Variants in THRAP3 observed in about 807,000 individuals in gnomAD.
THRAP3 encodes thyroid hormone receptor-associated protein 3.
Under a neutral mutation model 101.0 loss-of-function variants are expected in THRAP3, and 16 were observed. The ratio of observed to expected loss-of-function variants is 0.16; its 90% CI spans 0.11 to 0.24. The LOEUF is 0.24. THRAP3 is among the 10% of genes least tolerant of loss of function. The pLI is 1.00. For missense variants in THRAP3, 989 were observed against 1,202.7 expected (o/e 0.82, Z 2.63); for synonymous variants, 407 against 422.6 (o/e 0.96, Z 0.45).
In THRAP3 at chr1:36,289,665, G is replaced by C; in HGVS notation, c.1646G>C (p.Gly549Ala). ...ACCTCTGAGAGCCGAGACAAGCTGG[G>C]AGCGAAAGGAGATTTTCCCACAGGA... is the stretch of plus-strand genomic sequence containing the variant. ...RKTSESRDKL[G>A]AKGDFPTGKS... is the part of the protein sequence containing the mutation. Residue 549 changes from glycine (G) to alanine (A), a missense_variant, in exon 5 of 12, where the codon GGA becomes GCA. Physicochemically the swap from Gly to Ala is moderately conservative, Grantham distance 60 (BLOSUM62 0). Transcript: ENST00000354618. 2 of 1,614,154 alleles carry C rather than the reference G, an allele frequency of 1.2e-6. No individual in the cohort carries two copies. Among genetic ancestry groups the C allele is most frequent in the Non-Finnish European group, 1.7e-6 (2 of 1,180,028 alleles).
At chr1:36,235,352 A>C (rs1385384954) in intron 1 of THRAP3, among the ~76,000 whole-genome samples, 1 of 152,194 alleles carries the variant, frequency 6.6e-6, no homozygotes, top group Non-Finnish European at 1.5e-5. Flanking sequence ...TAAGAAGTTA[A>C]GTCTGAAAAG....
intron 6 of THRAP3, among the ~76,000 whole-genome samples, chr1:36,292,115 G>C (rs1032773753): frequency 6.6e-6 from 1 of 151,996 alleles, no homozygotes. Context: ...ATATGGGACC[G>C]TGTTTGAACC....
chr1:36,302,343 G>C (rs1359368643), intron 11 of THRAP3, among the ~76,000 whole-genome samples: 4 of 152,240 alleles, frequency 2.6e-5, no homozygotes, highest in Non-Finnish European at 5.9e-5. Flanking sequence ...TGGCTGGAAT[G>C]GATCTGTATT....
chr1:36,285,667 A>G (rs979439282), intron 3 of THRAP3, among the ~76,000 whole-genome samples: 1 of 152,206 alleles, frequency 6.6e-6, no homozygotes, highest in African/African-American at 2.4e-5. Context: ...AGTTAAGATC[A>G]TGTAGCTCAG....
upstream of THRAP3, among the ~76,000 whole-genome samples, chr1:36,223,282 T>C (rs1644917778): frequency 6.6e-6 from 1 of 152,190 alleles, no homozygotes. Flanking sequence ...CAAGGGCTGA[T>C]GTGGCGTGGT....
In THRAP3 at chr1:36,295,545, TTTCCTTCCTTCC is replaced by T. The variant is rs55705007; in HGVS notation, c.2116-1017_2116-1006del. Among the ~76,000 whole-genome samples, 574 of 145,516 alleles carry T rather than the reference TTTCCTTCCTTCC, an allele frequency of 3.9e-3. 6 individuals carry two copies. The highest frequency in any genetic ancestry group is 0.013 in the African/African-American group (516 of 38,450). ...GCTTAGGAAGCCAGCAGAGAAGTTT[TTTCCTTCCTTCC>T]TTCCTTCCTTCCTTCCTTCCCTCCT... On this transcript the variant is annotated intron_variant, in intron 8 of 11. Coordinates refer to ENST00000354618, the MANE Select transcript of THRAP3 (RefSeq NM_005119.4).
chr1:36,283,149 A>G (rs1461598810), intron 3 of THRAP3, among the ~76,000 whole-genome samples: 1 of 152,260 alleles, frequency 6.6e-6, no homozygotes, highest in Non-Finnish European at 1.5e-5. Flanking sequence ...GAAACTTATC[A>G]GGAGTAATTT....
intron 1 of THRAP3, among the ~76,000 whole-genome samples, chr1:36,243,282 G>T (rs890045037): frequency 1.3e-5 from 2 of 151,634 alleles, no homozygotes; most frequent in African/African-American, 4.8e-5. Flanking sequence ...ATAGTGGAGG[G>T]AAGGTCAGCA....
chr1:36,213,212 G>C, the THRAP3 span, among the ~76,000 whole-genome samples: 1 of 152,142 alleles, frequency 6.6e-6, no homozygotes, highest in Non-Finnish European at 1.5e-5. Context: ...GTTTGATCCT[G>C]AGGGCACTGG....
intron 2 of THRAP3, among the ~76,000 whole-genome samples, chr1:36,266,080 G>C (rs978522439): frequency 6.6e-6 from 1 of 151,624 alleles, no homozygotes; most frequent in Non-Finnish European, 1.5e-5. Context: ...CTTGAACCTG[G>C]GAGATGGAGG....
chr1:36,241,381 G>T (rs1271330566), intron 1 of THRAP3, among the ~76,000 whole-genome samples: 4 of 10,968 alleles, frequency 3.6e-4, no homozygotes, highest in Admixed American at 1.6e-3. Flanking sequence ...AAATGATAAT[G>T]GGTGTATATA....
chr1:36,210,889 G>A, the THRAP3 span, among the ~76,000 whole-genome samples: 1 of 148,130 alleles, frequency 6.8e-6, no homozygotes, highest in Non-Finnish European at 1.5e-5. Context: ...CTTAGTTTGA[G>A]ATGTGGTCTA....
chr1:36,249,405 A>T (rs530803479), intron 1 of THRAP3, among the ~76,000 whole-genome samples: 2 of 151,486 alleles, frequency 1.3e-5, no homozygotes, highest in African/African-American at 2.4e-5. Context: ...GTTAGCCAGG[A>T]TGATCTCCAT....
At chr1:36,271,591 CTTTTT>C (rs34782789) in intron 2 of THRAP3, among the ~76,000 whole-genome samples, 2 of 60,128 alleles carry the variant, frequency 3.3e-5, no homozygotes, top group Non-Finnish European at 3.2e-5. Flanking sequence ...TTTTTCTTAT[CTTTTT>C]TTTTTTTTTT....
intron 1 of THRAP3, among the ~76,000 whole-genome samples, chr1:36,240,052 C>T (rs1034525553): frequency 2.0e-5 from 3 of 152,116 alleles, no homozygotes; most frequent in Non-Finnish European, 4.4e-5. Context: ...TTACATGTAA[C>T]ACATAAGAAC....
At chr1:36,300,725 G>A (rs1037656363) in intron 9 of THRAP3, among the ~76,000 whole-genome samples, 161 bp from the exon 10 acceptor site, 8 of 152,266 alleles carry the variant, frequency 5.3e-5, no homozygotes, top group Non-Finnish European at 1.0e-4. Context: ...AAGTATCTTG[G>A]GTGGGTAGGT....
At chr1:36,217,207 A>G in the THRAP3 span, among the ~76,000 whole-genome samples, 1 of 152,222 alleles carries the variant, frequency 6.6e-6, no homozygotes, top group Non-Finnish European at 1.5e-5. Flanking sequence ...ACTGGAGGGA[A>G]GAAGAGTTCG....
chr1:36,300,815 T>C (rs750224555), intron 9 of THRAP3, 71 bp from the exon 10 acceptor site: 27 of 1,498,672 alleles, frequency 1.8e-5, no homozygotes, highest in Non-Finnish European at 2.5e-5. Context: ...CCTGTGCTTA[T>C]CCATGAGGCC....
chr1:36,278,056 GC>G (rs371751740), intron 2 of THRAP3, among the ~76,000 whole-genome samples: 12,144 of 131,912 alleles, frequency 0.092, 1,181 homozygotes, highest in Middle Eastern at 0.21. Context: ...CGTGAGCCCA[GC>G]CCCCCTTTTT....
Sources: gnomAD v4.1 joint callset for allele counts (sites outside exome capture counted in the v4.1 genomes callset) on GRCh38, gnomAD v4.1.1 for gene constraint, MANE v1.5 for transcripts, NCBI Gene and HGNC (gene_info 2026-07-23, HGNC 2026-07-21) for gene names.